The following PTPRN2 variants were observed in gnomAD, a reference collection of about 807,000 sequenced individuals.
The protein encoded by PTPRN2 is receptor-type tyrosine-protein phosphatase N2.
A neutral mutation model predicts 118.8 loss-of-function variants in PTPRN2; 74 were observed. The observed-to-expected ratio is 0.62, with a 90% confidence interval of 0.52 to 0.76. PTPRN2 has a LOEUF of 0.76. Among genes scored for constraint, PTPRN2 ranks in the 30% least tolerant of loss-of-function variants. The pLI is 0.00. For synonymous variants in PTPRN2, 641 were observed against 608.0 expected (o/e 1.05, Z -0.80); for missense variants, 1,481 against 1,394.4 (o/e 1.06, Z -0.99).
chr7:157,588,113 T>C (rs1800778737), intron 17 of PTPRN2, among the ~76,000 whole-genome samples: 1 of 152,222 alleles, frequency 6.6e-6, no homozygotes, highest in Non-Finnish European at 1.5e-5. Context: ...ACTCCGCACC[T>C]GATGGTGACA....
intron 21 of PTPRN2, among the ~76,000 whole-genome samples, chr7:157,568,346 C>A (rs781122082): frequency 6.6e-6 from 1 of 152,226 alleles, no homozygotes; most frequent in Non-Finnish European, 1.5e-5. Flanking sequence ...CCTCCCACAG[C>A]ACGCACAGAG....
chr7:157,746,439 G>A (rs1206866977), intron 12 of PTPRN2, among the ~76,000 whole-genome samples: 18 of 146,068 alleles, frequency 1.2e-4, no homozygotes, highest in Non-Finnish European at 1.8e-4. Flanking sequence ...TGGAGATCAC[G>A]GGACTCCCTA....
At chr7:157,971,683 A>G (rs1802344111) in intron 11 of PTPRN2, among the ~76,000 whole-genome samples, 1 of 152,230 alleles carries the variant, frequency 6.6e-6, no homozygotes, top group Admixed American at 6.5e-5. Context: ...CAATAAAAAA[A>G]AAAGTGGGAA....
chr7:157,955,411 C>A (rs6945137), intron 11 of PTPRN2, among the ~76,000 whole-genome samples: 126,449 of 151,690 alleles, frequency 0.83, 53,176 homozygotes, highest in East Asian at 0.89. Context: ...TGGGTGGGAG[C>A]TATTTCTAGG....
intron 12 of PTPRN2, among the ~76,000 whole-genome samples, chr7:157,684,477 G>A (rs1797070653): frequency 6.6e-6 from 1 of 151,494 alleles, no homozygotes; most frequent in South Asian, 2.1e-4. Context: ...CGGGAACCAG[G>A]GGAGCGGCCC....
chr7:158,261,254 C>T (rs1165741954), intron 3 of PTPRN2, among the ~76,000 whole-genome samples: 3 of 152,100 alleles, frequency 2.0e-5, no homozygotes, highest in African/African-American at 7.2e-5. Flanking sequence ...GCAGGCCGGG[C>T]AGCGGGAAGA....
chr7:158,140,797 G>A (rs948813128), intron 6 of PTPRN2, among the ~76,000 whole-genome samples: 9 of 152,336 alleles, frequency 5.9e-5, no homozygotes, highest in East Asian at 1.9e-4. Context: ...GCATCTCGCC[G>A]TGTGTATACT....
intron 21 of PTPRN2, among the ~76,000 whole-genome samples, chr7:157,558,926 C>T (rs774234621): frequency 2.0e-5 from 3 of 152,204 alleles, no homozygotes; most frequent in South Asian, 2.1e-4. Context: ...GTCCCATGCC[C>T]GTGGGCTCAT....
At chr7:157,742,654 C>T (rs1401076611) in intron 12 of PTPRN2, among the ~76,000 whole-genome samples, 3 of 152,130 alleles carry the variant, frequency 2.0e-5, no homozygotes, top group African/African-American at 4.8e-5. Context: ...GGGGACTGTT[C>T]GCCTGAGCAG....
At chr7:157,954,989 C>T (rs192338736) in intron 11 of PTPRN2, among the ~76,000 whole-genome samples, 115 of 152,320 alleles carry the variant, frequency 7.5e-4, no homozygotes, top group Non-Finnish European at 1.4e-3. Context: ...CAAAATGCCA[C>T]TTCCTAGTTT....
chr7:158,316,708 C>A, intron 3 of PTPRN2, 111 bp downstream of exon 3: 1 of 774,408 alleles, frequency 1.3e-6, no homozygotes, highest in South Asian at 1.9e-5. Flanking sequence ...CTTCCACCAC[C>A]ACACTCGTGG....
chr7:157,910,022 G>A (rs772430765), intron 11 of PTPRN2, among the ~76,000 whole-genome samples: 6 of 152,198 alleles, frequency 3.9e-5, no homozygotes, highest in Non-Finnish European at 7.4e-5. Context: ...ACTCACTAGT[G>A]GTGCAGGGAG....
In PTPRN2 at chr7:157,583,869, G is replaced by A. The variant is rs1295537128; in HGVS notation, c.2497-5729C>T. On this transcript the variant is annotated intron_variant, in intron 17 of 22. Transcript: ENST00000389418. This position sits in a 1 kb window ranked among gnomAD's most constrained non-coding sequence, Gnocchi z 5.5. ...TGCACGCCAGCCTGGGTGACAGAGC[G>A]AGACTCTGTCTCAAACACACACACA... Among the ~76,000 whole-genome samples, 10 of 149,386 alleles carry A rather than the reference G, an allele frequency of 6.7e-5. No individual in the cohort carries two copies. Among genetic ancestry groups the A allele is most frequent in the Admixed American group, 5.4e-4 (8 of 14,744 alleles).
chr7:158,401,604 T>G (rs1812954598), intron 2 of PTPRN2, among the ~76,000 whole-genome samples: 1 of 152,254 alleles, frequency 6.6e-6, no homozygotes, highest in Non-Finnish European at 1.5e-5. Context: ...AGTGAAGAGC[T>G]GTTACCATAA....
chr7:158,564,440 G>A (rs965114098), intron 1 of PTPRN2, among the ~76,000 whole-genome samples: 4 of 152,242 alleles, frequency 2.6e-5, no homozygotes, highest in African/African-American at 4.8e-5. Flanking sequence ...TCACCAGGAC[G>A]TGAGGCTGCC....
chr7:158,560,972 C>T (rs546610952), intron 1 of PTPRN2, among the ~76,000 whole-genome samples: 1 of 152,282 alleles, frequency 6.6e-6, no homozygotes, highest in Admixed American at 6.5e-5. Context: ...TTTTGTAGTC[C>T]ATGCATGTCA....
chr7:158,448,396 A>G (rs1050974506), intron 2 of PTPRN2, among the ~76,000 whole-genome samples: 4 of 151,310 alleles, frequency 2.6e-5, no homozygotes, highest in African/African-American at 9.7e-5. Flanking sequence ...AGATCTGGGG[A>G]GGAGGAGGGA....
At chr7:158,541,605 A>T in intron 1 of PTPRN2, 1 of 1,351,120 alleles carries the variant, frequency 7.4e-7, no homozygotes, top group Non-Finnish European at 9.8e-7. Flanking sequence ...TTCCACAGCC[A>T]TCTGGCTGTC....
chr7:158,464,857 T>C (rs556313575), intron 2 of PTPRN2, among the ~76,000 whole-genome samples: 1 of 152,128 alleles, frequency 6.6e-6, no homozygotes, highest in Non-Finnish European at 1.5e-5. Flanking sequence ...TTACCATCGC[T>C]ATCATTGCCA....
Sources: allele counts gnomAD v4.1 joint callset (sites outside exome capture counted in the v4.1 genomes callset), GRCh38; gene constraint gnomAD v4.1.1; non-coding constraint Gnocchi (gnomAD v3.1); transcripts MANE v1.5; gene names NCBI Gene and HGNC (gene_info 2026-07-23, HGNC 2026-07-21).